Variants in EPS15L1 observed in about 807,000 individuals in gnomAD.
EPS15L1 encodes epidermal growth factor receptor substrate 15-like 1.
EPS15L1 carries 43 observed loss-of-function variants against 117.1 expected under a neutral mutation model. That is an observed-to-expected ratio of 0.37 (90% confidence interval 0.29 to 0.47). The LOEUF is 0.47. Ranked by LOEUF, EPS15L1 falls within the 20% of genes least tolerant of loss-of-function variation. The pLI is 0.99. For synonymous variants in EPS15L1, 459 were observed against 470.5 expected (o/e 0.98, Z 0.32); for missense variants, 981 against 1,164.0 (o/e 0.84, Z 2.29).
chr19:16,413,910 C>A, intron 12 of EPS15L1, 65 bp from the exon 13 acceptor site: 2 of 1,268,078 alleles, frequency 1.6e-6, no homozygotes. Context: ...CTTCCCAAGG[C>A]CTGATTCTGT....
At chr19:16,422,618 A>T (rs2144955635) in intron 9 of EPS15L1, among the ~76,000 whole-genome samples, 1 of 152,288 alleles carries the variant, frequency 6.6e-6, no homozygotes, top group Non-Finnish European at 1.5e-5. Context: ...AATGAACGCC[A>T]TGATGCCTGA....
chr19:16,355,996 G>C (rs1226562923), intron 23 of EPS15L1, 145 bp from the exon 24 acceptor site: 1 of 1,057,194 alleles, frequency 9.5e-7, no homozygotes, highest in East Asian at 2.6e-5. Flanking sequence ...AGCATGTCTT[G>C]GCTGGGCCCA....
At chr19:16,400,065 G>A (rs2092582977) in intron 16 of EPS15L1, among the ~76,000 whole-genome samples, 2 of 152,106 alleles carry the variant, frequency 1.3e-5, no homozygotes, top group Admixed American at 1.3e-4. Context: ...TGGCGGGTGA[G>A]GTGGCTCACG....
intron 4 of EPS15L1, among the ~76,000 whole-genome samples, chr19:16,439,276 T>G (rs2093007056): frequency 6.6e-6 from 1 of 151,820 alleles, no homozygotes; most frequent in South Asian, 2.1e-4. Context: ...CTGCAAGGTC[T>G]GAGAAAAGAG....
At chr19:16,434,657 G>T in intron 6 of EPS15L1, 167 bp from the exon 7 acceptor site, 1 of 687,086 alleles carries the variant, frequency 1.5e-6, no homozygotes, top group Non-Finnish European at 2.4e-6. Context: ...TTTCCAAAGT[G>T]AACATATACC....
chr19:16,467,150 CTTTT>C (rs958708091), intron 1 of EPS15L1, among the ~76,000 whole-genome samples: 2 of 140,554 alleles, frequency 1.4e-5, no homozygotes, highest in Admixed American at 7.1e-5. Flanking sequence ...CTTTTCTTTT[CTTTT>C]TTTTTTTTTT....
Position 16,442,223 on chromosome 19 carries a change from T to C in EPS15L1, c.34-4A>G. 6.2e-7 allele frequency: 1 copy of C among 1,613,158 alleles called. No individual in the cohort carries two copies. The highest frequency in any genetic ancestry group is 8.5e-7 in the Non-Finnish European group (1 of 1,179,186). On this transcript the variant is annotated splice_polypyrimidine_tract_variant and splice_region_variant and intron_variant, in intron 1 of 23. Transcript: ENST00000455140. ...ACAACGAATTTCCAGTGGGAATCTG[T>C]AAATGAAACCACAGATATTGGTCAA...
intron 16 of EPS15L1, among the ~76,000 whole-genome samples, chr19:16,395,756 C>A (rs548420983): frequency 1.1e-4 from 17 of 152,192 alleles, no homozygotes; most frequent in African/African-American, 4.1e-4. Flanking sequence ...CCAGCCTGGC[C>A]AACATGGTGA....
chr19:16,402,173 C>A, intron 16 of EPS15L1, 148 bp downstream of exon 16: 1 of 1,437,040 alleles, frequency 7.0e-7, no homozygotes, highest in South Asian at 1.5e-5. Context: ...CTGGTGTGAA[C>A]GCGCAAAGTG....
At chr19:16,470,411 G>A (rs2093338323) in intron 1 of EPS15L1, among the ~76,000 whole-genome samples, 1 of 151,840 alleles carries the variant, frequency 6.6e-6, no homozygotes, top group Non-Finnish European at 1.5e-5. Context: ...TGGACAGGAA[G>A]TTTTAGAAAG....
At chr19:16,447,466 TA>T (rs1243035786) in intron 1 of EPS15L1, among the ~76,000 whole-genome samples, 1 of 152,110 alleles carries the variant, frequency 6.6e-6, no homozygotes, top group African/African-American at 2.4e-5. Flanking sequence ...ACTAGTAATT[TA>T]AGTATTACAG....
chr19:16,400,262 G>A (rs771405804), intron 16 of EPS15L1, among the ~76,000 whole-genome samples: 5 of 151,762 alleles, frequency 3.3e-5, no homozygotes, highest in South Asian at 2.1e-4. Flanking sequence ...ACTTGGACCC[G>A]GGAGGCAGAG....
rs562127045 is a variant in EPS15L1 at position 16,375,731 on chromosome 19, G to C, written c.2380+1391C>G. On this transcript the variant is annotated intron_variant, in intron 22 of 23. Transcript: ENST00000455140. ...CTGCTCAACAGTTCACAGAAAATCT[G>C]CTCTAAATCCACACAGCCCATACTT... 2.6e-5 allele frequency among the ~76,000 whole-genome samples: 4 copies of C among 152,308 alleles called. No individual in the cohort carries two copies. In the East Asian group the frequency reaches 5.8e-4, roughly 22 times the overall value.
intron 22 of EPS15L1, among the ~76,000 whole-genome samples, chr19:16,367,495 GT>G (rs2092149706): frequency 1.6e-5 from 1 of 63,902 alleles, no homozygotes; most frequent in Admixed American, 2.3e-4. Context: ...AGTATGTGCT[GT>G]TAAAAAAAAA....
intron 1 of EPS15L1, among the ~76,000 whole-genome samples, chr19:16,458,461 C>A (rs1156499850): frequency 6.6e-6 from 1 of 152,042 alleles, no homozygotes; most frequent in Non-Finnish European, 1.5e-5. Flanking sequence ...GCCCCCACCC[C>A]GCTTGCCCCA....
intron 1 of EPS15L1, among the ~76,000 whole-genome samples, chr19:16,458,493 G>A (rs2093217771): frequency 6.6e-6 from 1 of 151,652 alleles, no homozygotes; most frequent in Non-Finnish European, 1.5e-5. Context: ...ACAGAGCCTG[G>A]CCCAGCCTCC....
At chr19:16,444,058 C>T (rs61341481) in intron 1 of EPS15L1, among the ~76,000 whole-genome samples, 11 of 123,770 alleles carry the variant, frequency 8.9e-5, no homozygotes, top group South Asian at 7.5e-4. Context: ...TGCGAGACTC[C>T]GTCTCAAAAA....
At position 16,355,740 on chromosome 19, in the gene EPS15L1, T is replaced by C. The variant is rs2091971552; in HGVS notation, c.2698A>G (p.Ile900Val). 6.5e-7 allele frequency: 1 copy of C among 1,536,022 alleles called. No homozygotes were observed. Among genetic ancestry groups the C allele is most frequent in the Non-Finnish European group, 8.7e-7 (1 of 1,146,802 alleles). Residue 900 changes from isoleucine (I) to valine (V), a missense_variant, in exon 24 of 24, where the codon ATC (isoleucine) becomes GTC (valine). Coordinates refer to ENST00000455140, the MANE Select transcript of EPS15L1 (RefSeq NM_001258374.3). ...GGCATGTCAGCCTTGCTGAGCGCGA[T>C]GGCCAGTTCCAGGTCCTCCTGCTCC... is the stretch of plus-strand genomic sequence containing the variant. ...RQEQEDLELA[I>V]ALSKADMPAA
At chr19:16,379,056 C>T (rs1488481799) in intron 21 of EPS15L1, among the ~76,000 whole-genome samples, 1 of 152,176 alleles carries the variant, frequency 6.6e-6, no homozygotes, top group Non-Finnish European at 1.5e-5. Context: ...GTAATCCCAG[C>T]ACTTTGGGAG....
Sources: gnomAD v4.1 joint callset for allele counts (sites outside exome capture counted in the v4.1 genomes callset) on GRCh38, gnomAD v4.1.1 for gene constraint, MANE v1.5 for transcripts, NCBI Gene and HGNC (gene_info 2026-07-23, HGNC 2026-07-21) for gene names.